Variants in FRMPD2 observed in about 807,000 individuals in gnomAD.
FRMPD2 encodes the protein FERM and PDZ domain containing 2.
In FRMPD2, 96 loss-of-function variants were observed where a neutral mutation model predicts 140.1. The ratio of observed to expected loss-of-function variants is 0.69; its 90% confidence interval spans 0.58 to 0.81. The LOEUF is 0.81. Ranked by LOEUF, FRMPD2 falls within the 40% of genes least tolerant of loss-of-function variation. FRMPD2 has a pLI of 0.00. For synonymous variants in FRMPD2, 449 were observed against 547.6 expected (o/e 0.82, Z 2.52); for missense variants, 1,240 against 1,447.4 (o/e 0.86, Z 2.32).
chr10:48,178,880 C>T (rs559117010), intron 21 of FRMPD2: 2 of 152,494 alleles, frequency 1.3e-5, no homozygotes, highest in African/African-American at 4.8e-5. Context: ...AGCTCTGTCC[C>T]CTGCTCCCTG....
intron 10 of FRMPD2, among the ~76,000 whole-genome samples, chr10:48,227,988 G>A (rs531393391): frequency 6.6e-6 from 1 of 152,246 alleles, no homozygotes; most frequent in African/African-American, 2.4e-5. Context: ...GTATGTTTAA[G>A]ATGGTAAAAT....
At chr10:48,262,936 TCATA>T (rs1840619012) in intron 1 of FRMPD2, among the ~76,000 whole-genome samples, 1 of 151,744 alleles carries the variant, frequency 6.6e-6, no homozygotes, top group Admixed American at 6.6e-5. Flanking sequence ...AGTACAGAAA[TCATA>T]CAAAGTATGA....
chr10:48,261,947 A>G (rs1444110667), intron 1 of FRMPD2, among the ~76,000 whole-genome samples: 1 of 152,196 alleles, frequency 6.6e-6, no homozygotes, highest in Non-Finnish European at 1.5e-5. Context: ...AACTACTAGA[A>G]ATATTTTTTA....
At chr10:48,215,909 T>C (rs918040706) in intron 12 of FRMPD2, among the ~76,000 whole-genome samples, 1 of 152,162 alleles carries the variant, frequency 6.6e-6, no homozygotes, top group Non-Finnish European at 1.5e-5. Context: ...TGTGAGGGTG[T>C]TTTTGGACAT....
chr10:48,264,713 A>T (rs956421652), intron 1 of FRMPD2, among the ~76,000 whole-genome samples: 28 of 152,282 alleles, frequency 1.8e-4, no homozygotes, highest in Admixed American at 1.0e-3. Context: ...CAATATTGTT[A>T]AAATGTCATT....
rs73298371 is a variant in FRMPD2, at chr10:48,274,238, A to G, written c.25+305T>C. ...AAAAACGAGTCTTAGGAAAGTTAAA[A>G]GAGTCATTTGAATTTGCACAGATGC... On this transcript the variant is annotated intron_variant, in intron 1 of 28. Coordinates refer to ENST00000374201, the MANE Select transcript of FRMPD2 (RefSeq NM_001018071.4). 1.5e-3 allele frequency among the ~76,000 whole-genome samples: 224 copies of G among 152,358 alleles called. 1 individual carries two copies. The highest frequency in any genetic ancestry group is 5.2e-3 in the African/African-American group (215 of 41,592).
intron 1 of FRMPD2, among the ~76,000 whole-genome samples, chr10:48,252,921 T>C (rs1189996239): frequency 6.6e-6 from 1 of 151,898 alleles, no homozygotes; most frequent in Non-Finnish European, 1.5e-5. Context: ...TTCGTTTTTT[T>C]ATCTCTCCTC....
intron 8 of FRMPD2, 135 bp downstream of exon 8, chr10:48,237,839 ATTTCAGGTTTATGTTAG>A: frequency 4.2e-6 from 4 of 952,232 alleles, no homozygotes; most frequent in Non-Finnish European, 6.6e-6. Flanking sequence ...TAAGTTGCAA[ATTTCAGGTTTATGTTAG>A]TCCAATCCTA....
chr10:48,274,644 T>C lies in FRMPD2; in HGVS notation c.-77A>G. The C allele has an allele frequency of 7.1e-7, 1 of 1,417,166 alleles. No individual in the cohort carries two copies. Among genetic ancestry groups the C allele is most frequent in the Non-Finnish European group, 9.9e-7 (1 of 1,005,438 alleles). 87.8% of individuals were successfully genotyped at this position (1,417,166 alleles called of 1,614,324 possible). On this transcript the variant is annotated 5_prime_UTR_variant, in exon 1 of 29. Transcript: ENST00000374201. ...ACAAGGAGCAGGGGTCTCTTGCAAG[T>C]CTGTCCGCGGAGCTCCCTGCCACCA...
chr10:48,213,312 C>T (rs1839373971), intron 12 of FRMPD2, among the ~76,000 whole-genome samples: 2 of 152,176 alleles, frequency 1.3e-5, no homozygotes, highest in South Asian at 2.1e-4. Flanking sequence ...TGGCCAAATT[C>T]CAGAACACTG....
chr10:48,233,352 G>A (rs1283601410), intron 9 of FRMPD2, among the ~76,000 whole-genome samples: 4 of 152,196 alleles, frequency 2.6e-5, no homozygotes, highest in African/African-American at 9.7e-5. Flanking sequence ...GCACACCTGA[G>A]TCACCTGAGA....
At chr10:48,268,353 A>T (rs953624935) in intron 1 of FRMPD2, among the ~76,000 whole-genome samples, 1 of 152,236 alleles carries the variant, frequency 6.6e-6, no homozygotes, top group Admixed American at 6.5e-5. Context: ...AAAACTAAAC[A>T]TACTCTTACT....
At position 48,242,338 on chromosome 10, in the gene FRMPD2, G is replaced by A. The variant is rs762536136; in HGVS notation, c.390C>T (p.Cys130=). The A allele has an allele frequency of 2.3e-5, 37 of 1,612,752 alleles. No individual in the cohort carries two copies. Among genetic ancestry groups the A allele is most frequent in the Middle Eastern group, 1.6e-4 (1 of 6,072 alleles). ...TCAGCAGGATGGAGTGCAGGGGCTC[G>A]CAGAGCTGCAGGGGCTGGAGGCAGA... The part of the protein sequence containing the change: ...HVPPHQPLQL[C]EPLHSILLTM... The change falls in exon 5 of 29, where the codon TGC becomes TGT. Residue 130 remains cysteine (C), a synonymous_variant. Transcript: ENST00000374201.
chr10:48,230,671 G>A (rs1463132969), intron 10 of FRMPD2, among the ~76,000 whole-genome samples: 1 of 152,192 alleles, frequency 6.6e-6, no homozygotes, highest in African/African-American at 2.4e-5. Flanking sequence ...GGTGAAAATT[G>A]TATTACACCT....
At chr10:48,204,154 T>G (rs1028703689) in intron 14 of FRMPD2, among the ~76,000 whole-genome samples, 2 of 152,192 alleles carry the variant, frequency 1.3e-5, no homozygotes, top group African/African-American at 4.8e-5. Flanking sequence ...ACAGAGCCAG[T>G]AGCTGATCTA....
chr10:48,208,053 A>C (rs1839241378), intron 13 of FRMPD2, among the ~76,000 whole-genome samples: 1 of 151,032 alleles, frequency 6.6e-6, no homozygotes, highest in Non-Finnish European at 1.5e-5. Context: ...CGTCATCATC[A>C]TCATTATCAT....
intron 21 of FRMPD2, chr10:48,178,703 C>T (rs1403009096): frequency 6.5e-6 from 1 of 153,954 alleles, no homozygotes; most frequent in African/African-American, 2.4e-5. Context: ...GGCCTTAGAG[C>T]TCCCTTGCTC....
chr10:48,229,275 A>G (rs1236828), intron 10 of FRMPD2, among the ~76,000 whole-genome samples: 39,248 of 152,026 alleles, frequency 0.26, 6,561 homozygotes, highest in Non-Finnish European at 0.37. Context: ...AGTTTTGACC[A>G]TTATGTATTT....
At chr10:48,267,011 G>GC (rs1840689181) in intron 1 of FRMPD2, among the ~76,000 whole-genome samples, 1 of 139,954 alleles carries the variant, frequency 7.1e-6, no homozygotes, top group African/African-American at 3.3e-5. Flanking sequence ...GAGACTGAGT[G>GC]GGGGGTCTAG....
Sources: gnomAD v4.1 joint callset for allele counts (sites outside exome capture counted in the v4.1 genomes callset) on GRCh38, gnomAD v4.1.1 for gene constraint, MANE v1.5 for transcripts, NCBI Gene and HGNC (gene_info 2026-07-23, HGNC 2026-07-21) for gene names.